Variants in IGSF21 observed in about 807,000 individuals in gnomAD.
The protein encoded by IGSF21 is immunoglobulin superfamily member 21.
IGSF21 carries 28 observed loss-of-function variants against 46.8 expected under a neutral mutation model. The ratio of observed to expected loss-of-function variants is 0.60; its 90% confidence interval spans 0.44 to 0.82. The LOEUF (loss-of-function observed/expected upper bound fraction) is 0.82. IGSF21 is among the 40% of genes least tolerant of loss of function. IGSF21 has a pLI of 0.00. For missense variants in IGSF21, 624 were observed against 665.5 expected, an observed-to-expected ratio of 0.94 and a Z score of 0.69; for synonymous variants, 284 against 273.6, an observed-to-expected ratio of 1.04 and a Z score of -0.38.
At chr1:18,327,777 G>A (rs545897307) in intron 3 of IGSF21, among the ~76,000 whole-genome samples, 5 of 152,268 alleles carry the variant, frequency 3.3e-5, no homozygotes, top group African/African-American at 1.2e-4. Flanking sequence ...TTTTGGGAGA[G>A]ATGAGTATGT....
chr1:18,339,182 A>G (rs2085802722), intron 4 of IGSF21, among the ~76,000 whole-genome samples: 1 of 152,176 alleles, frequency 6.6e-6, no homozygotes, highest in African/African-American at 2.4e-5. Flanking sequence ...TTTACGGATG[A>G]CGGAGCAGAG....
At chr1:18,167,206 A>T (rs771867878) in intron 1 of IGSF21, among the ~76,000 whole-genome samples, 2 of 152,134 alleles carry the variant, frequency 1.3e-5, no homozygotes, top group African/African-American at 2.4e-5. Context: ...AGAAGGGTGT[A>T]TCTGAAGCAA....
At chr1:18,228,995 T>A (rs1436977941) in intron 2 of IGSF21, among the ~76,000 whole-genome samples, 3 of 152,192 alleles carry the variant, frequency 2.0e-5, no homozygotes, top group African/African-American at 7.2e-5. Flanking sequence ...GTGTCATAAT[T>A]TCTTCTTCTT....
chr1:18,315,785 A>C (rs940095176), intron 3 of IGSF21, among the ~76,000 whole-genome samples: 2 of 150,000 alleles, frequency 1.3e-5, no homozygotes, highest in African/African-American at 4.9e-5. Context: ...AAAGATGAGA[A>C]GTGAATGAAT....
At chr1:18,216,235 G>A (rs1003534983) in intron 1 of IGSF21, among the ~76,000 whole-genome samples, 3 of 152,132 alleles carry the variant, frequency 2.0e-5, no homozygotes, top group African/African-American at 4.8e-5. Flanking sequence ...AACAGCACAG[G>A]GAAAAATAAT....
At chr1:18,187,192 G>A (rs148839999) in intron 1 of IGSF21, among the ~76,000 whole-genome samples, 4 of 150,532 alleles carry the variant, frequency 2.7e-5, no homozygotes, top group Admixed American at 2.0e-4. Flanking sequence ...CCTACACACT[G>A]TTTCTGAATA....
intron 3 of IGSF21, among the ~76,000 whole-genome samples, chr1:18,320,039 C>A (rs1017795849): frequency 1.3e-5 from 2 of 152,190 alleles, no homozygotes; most frequent in African/African-American, 4.8e-5. Flanking sequence ...GCATGAATGA[C>A]CAGATAGCTA....
intron 2 of IGSF21, among the ~76,000 whole-genome samples, chr1:18,279,451 T>C (rs11260970): frequency 0.39 from 58,886 of 151,978 alleles, 11,758 homozygotes; most frequent in Middle Eastern, 0.52. Context: ...CCCTCAAGTG[T>C]AGAATTCTGC....
intron 1 of IGSF21, among the ~76,000 whole-genome samples, chr1:18,142,876 G>A (rs1225713715): frequency 6.6e-6 from 1 of 152,214 alleles, no homozygotes; most frequent in East Asian, 1.9e-4. Context: ...CCTGTGGCCT[G>A]GGCAGCCCCC....
intron 2 of IGSF21, among the ~76,000 whole-genome samples, chr1:18,234,540 T>C (rs2084656220): frequency 6.6e-6 from 1 of 151,740 alleles, no homozygotes; most frequent in Non-Finnish European, 1.5e-5. Context: ...AGGAAAGAGG[T>C]TTAATTAACT....
At chr1:18,221,073 C>CCAA (rs141687218) in intron 1 of IGSF21, among the ~76,000 whole-genome samples, 15,529 of 152,142 alleles carry the variant, frequency 0.1, 872 homozygotes, top group East Asian at 0.15. Flanking sequence ...ACCACCACCA[C>CCAA]CACCATTGTC....
intron 2 of IGSF21, among the ~76,000 whole-genome samples, chr1:18,288,119 G>A (rs1457424618): frequency 6.6e-6 from 1 of 152,194 alleles, no homozygotes; most frequent in African/African-American, 2.4e-5. Context: ...CTGAGACTAG[G>A]GGAGGTGGAA....
At chr1:18,372,325 T>C (rs1285235578) in intron 6 of IGSF21, among the ~76,000 whole-genome samples, 1 of 152,232 alleles carries the variant, frequency 6.6e-6, no homozygotes, top group Admixed American at 6.5e-5. Context: ...TTATTATTCA[T>C]CATAGTATCC....
chr1:18,156,404 G>T (rs2086568610), intron 1 of IGSF21, among the ~76,000 whole-genome samples: 1 of 152,194 alleles, frequency 6.6e-6, no homozygotes, highest in Non-Finnish European at 1.5e-5. Flanking sequence ...TGCAGATGGA[G>T]AAAATCAGAG....
At chr1:18,230,626 C>T (rs1045623870) in intron 2 of IGSF21, among the ~76,000 whole-genome samples, 2 of 152,034 alleles carry the variant, frequency 1.3e-5, no homozygotes, top group African/African-American at 4.8e-5. Flanking sequence ...AGGATGGGGG[C>T]AGAGGAAGGA....
At chr1:18,250,765 A>G (rs1016550440) in intron 2 of IGSF21, among the ~76,000 whole-genome samples, 1 of 152,170 alleles carries the variant, frequency 6.6e-6, no homozygotes, top group Non-Finnish European at 1.5e-5. Context: ...AGCATTTATA[A>G]AGTGCCTGAG....
intron 2 of IGSF21, among the ~76,000 whole-genome samples, chr1:18,251,098 G>A (rs139806328): frequency 0.023 from 3,576 of 152,274 alleles, 74 homozygotes; most frequent in Non-Finnish European, 0.038. Context: ...TGGTCACACT[G>A]TCAAGGGATT....
At chr1:18,347,514 C>T (rs1367559168) in intron 4 of IGSF21, among the ~76,000 whole-genome samples, 1 of 152,186 alleles carries the variant, frequency 6.6e-6, no homozygotes, top group East Asian at 1.9e-4. Flanking sequence ...TCCCAACAGT[C>T]CTGGAATTCA....
rs375290081 is a variant in IGSF21 at position 18,365,561 on chromosome 1, G to A, written c.879G>A (p.Pro293=). 33 of 1,614,074 alleles carry A rather than the reference G, an allele frequency of 2.0e-5. No homozygotes were observed. The African/African-American group carries it at 2.8e-4, about 14-fold the overall frequency. The part of the protein sequence containing the change: ...PTYFLRHSRT[P]SSDGTVEVRA... Reference sequence around the variant, plus strand: ...ACTTCCTGCGCCACAGCCGCACCCCGAGCAGTGACGGCACTGTGGAAGTAC... The same window carrying A: ...ACTTCCTGCGCCACAGCCGCACCCCAAGCAGTGACGGCACTGTGGAAGTAC... Residue 293 remains proline, a synonymous_variant, in exon 6 of 10, where the codon CCG becomes CCA. Transcript: ENST00000251296. This position sits in a 1 kb window ranked among gnomAD's most constrained non-coding sequence, Gnocchi z 4.8.
Sources: gnomAD v4.1 joint callset for allele counts (sites outside exome capture counted in the v4.1 genomes callset) on GRCh38, gnomAD v4.1.1 for gene constraint, Gnocchi (gnomAD v3.1) non-coding constraint, MANE v1.5 for transcripts, NCBI Gene and HGNC (gene_info 2026-07-23, HGNC 2026-07-21) for gene names.